JAZF1: variants seen among roughly 807,000 people sequenced by gnomAD.
JAZF1 encodes the protein juxtaposed with another zinc finger protein 1.
In JAZF1, 8 loss-of-function variants were observed where a neutral mutation model predicts 26.4. That is an observed-to-expected ratio of 0.30 (90% CI 0.18 to 0.55). JAZF1 has a LOEUF of 0.55. Ranked by LOEUF, JAZF1 falls within the 20% of genes least tolerant of loss-of-function variation. The probability of loss-of-function intolerance (pLI) is 0.94; values close to 1 mark genes in which losing one functional copy is unlikely to be tolerated. For synonymous variants in JAZF1, 126 were observed against 122.3 expected (o/e 1.03, Z -0.20); for missense variants, 199 against 322.0 (o/e 0.62, Z 2.92).
intron 1 of JAZF1, among the ~76,000 whole-genome samples, chr7:28,151,075 C>T (rs538065435): frequency 1.9e-4 from 28 of 149,746 alleles, no homozygotes; most frequent in Non-Finnish European, 3.4e-4. Context: ...AGCAGTAGCT[C>T]TTGGGAGGGG....
At chr7:28,014,795 A>G (rs187228734) in intron 1 of JAZF1, among the ~76,000 whole-genome samples, 2 of 152,230 alleles carry the variant, frequency 1.3e-5, no homozygotes, top group African/African-American at 2.4e-5. Context: ...GTTGTGAGAC[A>G]GTCTTCAAGG....
chr7:28,051,140 A>C (rs936766957), intron 1 of JAZF1, among the ~76,000 whole-genome samples: 1 of 150,148 alleles, frequency 6.7e-6, no homozygotes, highest in African/African-American at 2.5e-5. Flanking sequence ...TCAAAAAAAA[A>C]AAAAAAAAAA....
At chr7:28,028,888 C>T (rs1783136276) in intron 1 of JAZF1, among the ~76,000 whole-genome samples, 1 of 152,090 alleles carries the variant, frequency 6.6e-6, no homozygotes, top group Non-Finnish European at 1.5e-5. Flanking sequence ...AAAAACTTTA[C>T]TCATTAAAGT....
At chr7:28,039,922 A>G (rs1460443878) in intron 1 of JAZF1, among the ~76,000 whole-genome samples, 2 of 152,202 alleles carry the variant, frequency 1.3e-5, no homozygotes, top group Non-Finnish European at 2.9e-5. Context: ...ATTCTGAAAC[A>G]TTAATTAACT....
chr7:27,982,890 G>C lies in JAZF1; in HGVS notation c.188+9019C>G, dbSNP rs374434367. Reference sequence around the variant, plus strand: ...CTGCAGCTGAGGGTCCTGACTATTAGAAGGAAAACTAACAAACAGAAAGGA... The same window carrying C: ...CTGCAGCTGAGGGTCCTGACTATTACAAGGAAAACTAACAAACAGAAAGGA... On this transcript the variant is annotated intron_variant, in intron 2 of 4. Coordinates refer to ENST00000283928, the MANE Select transcript of JAZF1 (RefSeq NM_175061.4). Among the ~76,000 whole-genome samples the C allele has an allele frequency of 4.6e-5, 7 of 152,278 alleles. No homozygotes were observed. In the East Asian group the frequency reaches 1.4e-3, roughly 29 times the overall value.
At chr7:27,866,439 TCTCACCTCTC>T (rs1225536842) in intron 3 of JAZF1, among the ~76,000 whole-genome samples, 3 of 152,160 alleles carry the variant, frequency 2.0e-5, no homozygotes, top group African/African-American at 7.2e-5. Flanking sequence ...CTGACAGTTA[TCTCACCTCTC>T]CACACCTCCA....
chr7:27,855,452 T>TA (rs1783230655), intron 3 of JAZF1, among the ~76,000 whole-genome samples: 1 of 151,324 alleles, frequency 6.6e-6, no homozygotes, highest in Non-Finnish European at 1.5e-5. Context: ...TTGAAAAAAT[T>TA]AAAAAATAGA....
intron 2 of JAZF1, among the ~76,000 whole-genome samples, chr7:27,987,599 G>T (rs13232328): frequency 6.7e-6 from 1 of 149,298 alleles, no homozygotes; most frequent in Non-Finnish European, 1.5e-5. Flanking sequence ...CAGCCGCCCC[G>T]TCCGGGAGGG....
intron 1 of JAZF1, among the ~76,000 whole-genome samples, chr7:28,151,407 G>A (rs1429838587): frequency 6.6e-6 from 1 of 151,942 alleles, no homozygotes. Flanking sequence ...ACCTGGCTTG[G>A]AGGGGGAATT....
At chr7:27,897,912 C>T (rs1784098396) in intron 2 of JAZF1, among the ~76,000 whole-genome samples, 1 of 152,180 alleles carries the variant, frequency 6.6e-6, no homozygotes, top group South Asian at 2.1e-4. Context: ...ATGTTCACAA[C>T]CTAAGAAGGT....
intron 1 of JAZF1, among the ~76,000 whole-genome samples, chr7:28,133,869 C>T (rs1230059972): frequency 1.3e-5 from 2 of 152,236 alleles, no homozygotes; most frequent in Non-Finnish European, 2.9e-5. Flanking sequence ...TCCAGATGGG[C>T]CTTCCCTGAC....
rs538071943 is a variant in JAZF1 at position 27,987,691 on chromosome 7, G to A, written c.188+4218C>T. On this transcript the variant is annotated intron_variant, in intron 2 of 4. Coordinates refer to ENST00000283928, the MANE Select transcript of JAZF1 (RefSeq NM_175061.4). ...CCGGCTGCCACCCCATCTGGGAGGT[G>A]TACCCAACAGCTCATTGAGAACGGG... Among the ~76,000 whole-genome samples the A allele has an allele frequency of 1.0e-3, 152 of 152,388 alleles. 3 individuals are homozygous for A. In the East Asian group the frequency reaches 0.028, roughly 28 times the overall value.
At chr7:27,874,279 G>A (rs1783635051) in intron 3 of JAZF1, among the ~76,000 whole-genome samples, 2 of 152,228 alleles carry the variant, frequency 1.3e-5, no homozygotes, top group Admixed American at 1.3e-4. Context: ...GGGGGCAGAA[G>A]ACTGTTACGT....
chr7:28,117,207 G>C (rs1224037386), intron 1 of JAZF1, among the ~76,000 whole-genome samples: 1 of 151,786 alleles, frequency 6.6e-6, no homozygotes, highest in Non-Finnish European at 1.5e-5. Context: ...TTTTTAATCA[G>C]GTAAAAATAC....
At chr7:27,857,104 G>C (rs1366131681) in intron 3 of JAZF1, among the ~76,000 whole-genome samples, 1 of 152,240 alleles carries the variant, frequency 6.6e-6, no homozygotes, top group Non-Finnish European at 1.5e-5. Context: ...GTGGAGCAGG[G>C]GGCGGCGCTC....
intron 3 of JAZF1, among the ~76,000 whole-genome samples, chr7:27,872,310 C>A (rs1381986631): frequency 6.6e-6 from 1 of 152,170 alleles, no homozygotes; most frequent in Non-Finnish European, 1.5e-5. Flanking sequence ...GGGTTTCCTG[C>A]AATTAAGCTG....
In JAZF1 at chr7:27,832,665, A is replaced by G; in HGVS notation, c.*135T>C. 1.5e-6 allele frequency: 1 copy of G among 666,210 alleles called. No individual in the cohort carries two copies. Among genetic ancestry groups the G allele is most frequent in the South Asian group, 2.8e-5 (1 of 35,202 alleles). The allele number at this position is 666,210 out of a possible 1,614,324, so 41.3% of individuals were successfully genotyped here. A position where few individuals can be genotyped will look rare whatever the true frequency, so the allele number is the denominator to read the frequency against. On this transcript the variant is annotated 3_prime_UTR_variant, in exon 5 of 5. Transcript: ENST00000283928. ...TACAAAGATACATCATTCCAAAATT[A>G]CAGAAAAAATTTAAAGCATGCATTT...
intron 1 of JAZF1, among the ~76,000 whole-genome samples, chr7:28,065,707 C>G (rs1294218120): frequency 6.6e-6 from 1 of 152,164 alleles, no homozygotes; most frequent in Non-Finnish European, 1.5e-5. Flanking sequence ...AATCACCCAA[C>G]CACCTCATGC....
chr7:28,029,563 C>A (rs1783150590), intron 1 of JAZF1, among the ~76,000 whole-genome samples: 1 of 152,158 alleles, frequency 6.6e-6, no homozygotes, highest in Non-Finnish European at 1.5e-5. Flanking sequence ...CTTGGTAATA[C>A]CTATGTAGAG....
Sources: allele counts gnomAD v4.1 joint callset (sites outside exome capture counted in the v4.1 genomes callset), GRCh38; gene constraint gnomAD v4.1.1; transcripts MANE v1.5; gene names NCBI Gene and HGNC (gene_info 2026-07-23, HGNC 2026-07-21).